Variants in DAPK1 observed in about 807,000 individuals in gnomAD.
DAPK1 encodes death-associated protein kinase 1.
Under a neutral mutation model 144.9 loss-of-function variants are expected in DAPK1, and 56 were observed. The ratio of observed to expected loss-of-function variants is 0.39; its 90% confidence interval spans 0.31 to 0.48. DAPK1 has a LOEUF of 0.48. DAPK1 is among the 20% of genes least tolerant of loss of function. The pLI, the probability that DAPK1 is intolerant of heterozygous loss-of-function variation, is 0.95. For missense variants in DAPK1, 1,454 were observed against 1,875.4 expected, an observed-to-expected ratio of 0.78 and a Z score of 4.15; for synonymous variants, 690 against 749.0, an observed-to-expected ratio of 0.92 and a Z score of 1.29.
At chr9:87,660,198 T>A (rs571858726) in intron 18 of DAPK1, among the ~76,000 whole-genome samples, 1 of 152,098 alleles carries the variant, frequency 6.6e-6, no homozygotes, top group Non-Finnish European at 1.5e-5. Flanking sequence ...GCCCAGGAGA[T>A]GGGAGGGTGA....
In DAPK1 at chr9:87,702,043, C is replaced by T. The variant is rs915484622; in HGVS notation, c.2872-986C>T. ...CATTCCTGAGGCAGGAGGGAGTGTC[C>T]CTGGAGATTTTTGAGCTGGGCTCTG... On this transcript the variant is annotated intron_variant, in intron 24 of 25. Transcript: ENST00000408954. 3 of 288,436 alleles carry T rather than the reference C, an allele frequency of 1.0e-5. No homozygotes were observed. The Admixed American group carries it at 1.3e-4, about 12-fold the overall frequency. 17.9% of individuals were successfully genotyped at this position (288,436 alleles called of 1,614,324 possible).
At chr9:87,554,713 A>G (rs1826636614) in intron 2 of DAPK1, among the ~76,000 whole-genome samples, 2 of 152,182 alleles carry the variant, frequency 1.3e-5, no homozygotes, top group African/African-American at 4.8e-5. Flanking sequence ...CCTGGACCCA[A>G]ATGAGCAAAG....
chr9:87,602,554 A>T (rs1427711558), intron 2 of DAPK1, among the ~76,000 whole-genome samples: 1 of 152,134 alleles, frequency 6.6e-6, no homozygotes, highest in Non-Finnish European at 1.5e-5. Context: ...GTGAAAACGC[A>T]CGTGGAACAG....
At chr9:87,640,490 T>C (rs773150408) in intron 8 of DAPK1, 40 bp downstream of exon 8, 2 of 1,601,424 alleles carry the variant, frequency 1.2e-6, no homozygotes, top group East Asian at 2.2e-5. Context: ...GGCCACGGCC[T>C]CAGCCAGCCC....
chr9:87,631,801 C>T (rs1427362900), intron 3 of DAPK1, among the ~76,000 whole-genome samples: 1 of 152,236 alleles, frequency 6.6e-6, no homozygotes, highest in African/African-American at 2.4e-5. Context: ...TTTCTACCTT[C>T]AGAGATTTGG....
chr9:87,629,110 T>C (rs1434995388), intron 3 of DAPK1, among the ~76,000 whole-genome samples: 1 of 152,230 alleles, frequency 6.6e-6, no homozygotes, highest in Non-Finnish European at 1.5e-5. Context: ...ATCATTCTTC[T>C]CATTGGTTAC....
At chr9:87,618,245 C>A (rs2119026921) in intron 3 of DAPK1, among the ~76,000 whole-genome samples, 1 of 152,240 alleles carries the variant, frequency 6.6e-6, no homozygotes, top group South Asian at 2.1e-4. Context: ...CGCTTCACAC[C>A]CACTAGGATG....
chr9:87,643,414 C>A lies in DAPK1; in HGVS notation c.957C>A (p.Ser319=). Residue 319 remains serine, a synonymous_variant, in exon 11 of 26, where the codon TCC becomes TCA. Coordinates refer to ENST00000408954, the MANE Select transcript of DAPK1 (RefSeq NM_004938.4). Reference sequence around the variant, plus strand: ...TGATATCACTGTGCCAAAGATTATCCAGGTCATTCCTGTCCAGAAGTAACA... The same window carrying A: ...TGATATCACTGTGCCAAAGATTATCAAGGTCATTCCTGTCCAGAAGTAACA... ...VRLISLCQRL[S]RSFLSRSNMS... The A allele has an allele frequency of 6.2e-7, 1 of 1,602,488 alleles. No individual in the cohort carries two copies. The highest frequency in any genetic ancestry group is 8.5e-7 in the Non-Finnish European group (1 of 1,175,864).
intron 3 of DAPK1, among the ~76,000 whole-genome samples, chr9:87,624,068 G>C (rs1829404095): frequency 6.6e-6 from 1 of 152,206 alleles, no homozygotes; most frequent in Admixed American, 6.5e-5. Flanking sequence ...AAAGCTTCTT[G>C]ATGTGAAGTG....
At chr9:87,571,439 A>ACC in intron 2 of DAPK1, among the ~76,000 whole-genome samples, 1 of 19,936 alleles carries the variant, frequency 5.0e-5, no homozygotes, top group South Asian at 2.8e-3. Flanking sequence ...ACCCCCCAAC[A>ACC]CACACACACA....
intron 2 of DAPK1, among the ~76,000 whole-genome samples, chr9:87,584,267 A>AAT (rs1827858415): frequency 6.6e-6 from 1 of 152,180 alleles, no homozygotes; most frequent in Admixed American, 6.5e-5. Flanking sequence ...CATGTTGTAA[A>AAT]ATAGCTCTCT....
chr9:87,644,263 G>A (rs570698139), intron 11 of DAPK1, among the ~76,000 whole-genome samples: 5 of 152,154 alleles, frequency 3.3e-5, no homozygotes, highest in African/African-American at 7.2e-5. Flanking sequence ...CTTCAGATAC[G>A]AGTGGAAGTG....
chr9:87,702,938 G>T (rs1348845482), intron 24 of DAPK1, 91 bp from the exon 25 acceptor site: 3 of 650,684 alleles, frequency 4.6e-6, no homozygotes, highest in African/African-American at 3.6e-5. Flanking sequence ...CCTGCAAGGC[G>T]CCTGAATGAA....
At chr9:87,526,628 A>C (rs2118305727) in intron 2 of DAPK1, among the ~76,000 whole-genome samples, 1 of 152,238 alleles carries the variant, frequency 6.6e-6, no homozygotes, top group Non-Finnish European at 1.5e-5. Context: ...CTAGAGAATC[A>C]TTGTGATTCT....
chr9:87,641,569 T>C (rs1830095105), intron 9 of DAPK1, among the ~76,000 whole-genome samples: 1 of 152,108 alleles, frequency 6.6e-6, no homozygotes, highest in Non-Finnish European at 1.5e-5. Context: ...AAAGATACAA[T>C]ACAAGGAATT....
chr9:87,621,017 T>G (rs1235397759), intron 3 of DAPK1, among the ~76,000 whole-genome samples: 3 of 152,208 alleles, frequency 2.0e-5, no homozygotes, highest in Admixed American at 1.3e-4. Context: ...GTGTCTTGTT[T>G]CTCTGTGCCT....
intron 2 of DAPK1, among the ~76,000 whole-genome samples, chr9:87,515,097 T>C (rs979243063): frequency 3.3e-5 from 5 of 152,230 alleles, no homozygotes; most frequent in African/African-American, 1.2e-4. Flanking sequence ...TGTGCATCTT[T>C]TTGTAAATAT....
At chr9:87,636,183 A>AGG (rs1028720663) in intron 3 of DAPK1, among the ~76,000 whole-genome samples, 1 of 152,142 alleles carries the variant, frequency 6.6e-6, no homozygotes, top group African/African-American at 2.4e-5. Context: ...AAGGGTCAGG[A>AGG]GGAGAGCAAG....
At position 87,642,017 on chromosome 9, in the gene DAPK1, A is replaced by T. The variant is rs1830116144; in HGVS notation, c.877A>T (p.Met293Leu). The change falls in exon 10 of 26, where the codon ATG becomes TTG. Residue 293 changes from methionine (M) to leucine (L), a missense_variant. Met to Leu is a conservative substitution (Grantham distance 15, BLOSUM62 2). Around this residue, in one of 2 missense-constraint regions of DAPK1, gnomAD observed 429 missense variants for 637.5 expected, o/e 0.67. Coordinates refer to ENST00000408954, the MANE Select transcript of DAPK1 (RefSeq NM_004938.4). ...TAGTAGAAAAGCATCAGCAGTAAAC[A>T]TGGAGAAATTCAAGAAGTTTGCAGC... ...ALSRKASAVNMEKFKKFAARK... is the reference protein window; with the variant it reads ...ALSRKASAVNLEKFKKFAARK... 1.2e-6 allele frequency: 2 copies of T among 1,614,022 alleles called. No homozygotes were observed. Among genetic ancestry groups the T allele is most frequent in the African/African-American group, 2.7e-5 (2 of 74,936 alleles).
Sources: allele counts gnomAD v4.1 joint callset (sites outside exome capture counted in the v4.1 genomes callset), GRCh38; gene constraint gnomAD v4.1.1; regional missense constraint gnomAD v4.1.1; transcripts MANE v1.5; gene names NCBI Gene and HGNC (gene_info 2026-07-23, HGNC 2026-07-21).